CNTN1: variants seen among roughly 807,000 people sequenced by gnomAD.
The protein encoded by CNTN1 is contactin-1.
In CNTN1, 38 loss-of-function variants were observed where a neutral mutation model predicts 126.4. That is an observed-to-expected ratio of 0.30 (90% confidence interval 0.23 to 0.39). The LOEUF (loss-of-function observed/expected upper bound fraction) is 0.39, where lower values mean the gene tolerates loss of function less well. CNTN1 is among the 10% of genes least tolerant of loss of function. CNTN1 has a pLI of 1.00. For missense variants in CNTN1, 1,009 were observed against 1,248.4 expected (o/e 0.81, Z 2.89); for synonymous variants, 413 against 422.6 (o/e 0.98, Z 0.28).
intron 1 of CNTN1, among the ~76,000 whole-genome samples, chr12:40,857,607 C>T (rs1372280876): frequency 2.0e-5 from 3 of 151,992 alleles, no homozygotes; most frequent in African/African-American, 7.2e-5. Context: ...AGTTGCTTCC[C>T]GTGGAAAAAG....
intron 1 of CNTN1, among the ~76,000 whole-genome samples, chr12:40,736,616 T>C (rs1937696549): frequency 6.6e-6 from 1 of 152,120 alleles, no homozygotes; most frequent in South Asian, 2.1e-4. Flanking sequence ...GTATACAATT[T>C]AGTCACAGTA....
intron 1 of CNTN1, among the ~76,000 whole-genome samples, chr12:40,816,201 T>C (rs1283485059): frequency 1.3e-5 from 2 of 152,136 alleles, no homozygotes; most frequent in Non-Finnish European, 2.9e-5. Flanking sequence ...TTTTCAATTG[T>C]TTGGAATAGT....
chr12:40,899,790 A>G (rs1264360176), intron 1 of CNTN1, among the ~76,000 whole-genome samples: 1 of 152,210 alleles, frequency 6.6e-6, no homozygotes, highest in East Asian at 1.9e-4. Context: ...CTTAACAATC[A>G]CGTGCCAAGT....
chr12:40,765,591 AAGAT>A (rs1939052465), intron 1 of CNTN1, among the ~76,000 whole-genome samples: 2 of 152,198 alleles, frequency 1.3e-5, no homozygotes, highest in Non-Finnish European at 2.9e-5. Context: ...AATGTGTTTT[AAGAT>A]GGAGTTCAGT....
At chr12:41,059,962 G>T (rs192976910) in intron 23 of CNTN1, among the ~76,000 whole-genome samples, 1 of 152,228 alleles carries the variant, frequency 6.6e-6, no homozygotes, top group Non-Finnish European at 1.5e-5. Context: ...GGAAGTAAAG[G>T]CTTTGGTGAG....
At chr12:41,062,513 T>C (rs1445058086) in intron 23 of CNTN1, among the ~76,000 whole-genome samples, 2 of 151,972 alleles carry the variant, frequency 1.3e-5, no homozygotes, top group African/African-American at 2.4e-5. Context: ...AAGAAAAAAA[T>C]TATGCAAGAG....
At chr12:40,824,786 C>T (rs930847421) in intron 1 of CNTN1, among the ~76,000 whole-genome samples, 2 of 152,000 alleles carry the variant, frequency 1.3e-5, no homozygotes, top group Non-Finnish European at 1.5e-5. Context: ...AAATATCACC[C>T]CTTCCCTCAA....
At chr12:40,830,766 T>C (rs1394769820) in intron 1 of CNTN1, among the ~76,000 whole-genome samples, 1 of 137,342 alleles carries the variant, frequency 7.3e-6, no homozygotes, top group Non-Finnish European at 1.6e-5. Context: ...TCTATATATA[T>C]TGAGAGAGAG....
At chr12:40,821,108 A>G (rs555567804) in intron 1 of CNTN1, among the ~76,000 whole-genome samples, 32 of 152,362 alleles carry the variant, frequency 2.1e-4, no homozygotes, top group African/African-American at 6.3e-4. Flanking sequence ...TCTTGAATAA[A>G]TAATTTGAGA....
intron 1 of CNTN1, among the ~76,000 whole-genome samples, chr12:40,874,303 T>C (rs909479413): frequency 6.6e-6 from 1 of 152,126 alleles, no homozygotes; most frequent in Non-Finnish European, 1.5e-5. Context: ...ATCATTATTT[T>C]TATTAGGAAA....
intron 21 of CNTN1, among the ~76,000 whole-genome samples, chr12:41,025,908 A>G: frequency 6.6e-6 from 1 of 152,182 alleles, no homozygotes; most frequent in East Asian, 1.9e-4. Context: ...AAGTGGAATA[A>G]GTAAAAAGGA....
At chr12:40,982,158 A>G (rs1947836845) in intron 16 of CNTN1, among the ~76,000 whole-genome samples, 1 of 152,158 alleles carries the variant, frequency 6.6e-6, no homozygotes, top group Non-Finnish European at 1.5e-5. Context: ...TTAATATCAG[A>G]TGATTCCCCA....
chr12:40,985,978 G>A (rs186721958), intron 16 of CNTN1, among the ~76,000 whole-genome samples: 25 of 151,924 alleles, frequency 1.6e-4, no homozygotes, highest in African/African-American at 6.0e-4. Context: ...TGTTGGATTC[G>A]GTCTGTGAAT....
At position 41,070,208 on chromosome 12, in the gene CNTN1, C is replaced by G. The variant is rs1180831903; in HGVS notation, c.*173C>G. On this transcript the variant is annotated 3_prime_UTR_variant, in exon 24 of 24. Transcript: ENST00000551295. ...ATGATGACTGAGGCATTCGGGAACC[C>G]CTTCATCCAAAAGAATAAACTTTTA... is the stretch of plus-strand genomic sequence containing the variant. 4.6e-6 allele frequency: 3 copies of G among 652,724 alleles called. No homozygotes were observed. The highest frequency in any genetic ancestry group is 3.6e-5 in the African/African-American group (2 of 55,178). 40.4% of individuals were successfully genotyped at this position (652,724 alleles called of 1,614,324 possible). A position where few individuals can be genotyped will look rare whatever the true frequency, so the allele number is the denominator to read the frequency against.
intron 1 of CNTN1, among the ~76,000 whole-genome samples, chr12:40,779,916 T>C (rs1939725597): frequency 6.6e-6 from 1 of 151,958 alleles, no homozygotes; most frequent in African/African-American, 2.4e-5. Context: ...GCCATTGTTA[T>C]GAGGACTCTT....
chr12:40,857,653 T>C (rs1463664749), intron 1 of CNTN1, among the ~76,000 whole-genome samples: 3 of 152,166 alleles, frequency 2.0e-5, no homozygotes, highest in Non-Finnish European at 4.4e-5. Flanking sequence ...AGCAAAATAG[T>C]ATTAAATTGA....
chr12:40,944,946 G>C (rs1240296353), intron 14 of CNTN1, among the ~76,000 whole-genome samples: 1 of 152,080 alleles, frequency 6.6e-6, no homozygotes, highest in Non-Finnish European at 1.5e-5. Flanking sequence ...TTAGAAGTCA[G>C]TTATTAATAT....
chr12:41,038,717 G>A (rs1445108822), intron 23 of CNTN1, among the ~76,000 whole-genome samples: 3 of 152,022 alleles, frequency 2.0e-5, no homozygotes, highest in Non-Finnish European at 4.4e-5. Flanking sequence ...AAACCTCATA[G>A]AACTCACATT....
intron 23 of CNTN1, among the ~76,000 whole-genome samples, chr12:41,057,745 T>A (rs1949856790): frequency 6.6e-6 from 1 of 152,106 alleles, no homozygotes; most frequent in Non-Finnish European, 1.5e-5. Context: ...TGCTTTTTGT[T>A]TTCTGGCGTT....
Sources: allele counts gnomAD v4.1 joint callset (sites outside exome capture counted in the v4.1 genomes callset), GRCh38; gene constraint gnomAD v4.1.1; transcripts MANE v1.5; gene names NCBI Gene and HGNC (gene_info 2026-07-23, HGNC 2026-07-21).